MMS22L: variants seen among roughly 807,000 people sequenced by gnomAD.
MMS22L encodes MMS22 like, DNA repair protein, also known as protein MMS22-like.
A neutral mutation model predicts 159.1 loss-of-function variants in MMS22L; 74 were observed. That is an observed-to-expected ratio of 0.47 (90% confidence interval 0.39 to 0.56). The LOEUF (loss-of-function observed/expected upper bound fraction) is 0.56, where lower values mean the gene tolerates loss of function less well. Among genes scored for constraint, MMS22L ranks in the 20% least tolerant of loss-of-function variants. The pLI, the probability that MMS22L is intolerant of heterozygous loss-of-function variation, is 0.00. For missense variants in MMS22L, 1,351 were observed against 1,422.1 expected, an observed-to-expected ratio of 0.95 and a Z score of 0.80; for synonymous variants, 517 against 506.9, an observed-to-expected ratio of 1.02 and a Z score of -0.27.
At position 97,174,354 on chromosome 6, in the gene MMS22L, T is replaced by C. The variant is rs558027801; in HGVS notation, c.2680-1132A>G. Among the ~76,000 whole-genome samples the C allele has an allele frequency of 1.4e-4, 21 of 152,022 alleles. 1 individual carries two copies. Among genetic ancestry groups the C allele is most frequent in the Admixed American group, 2.6e-4 (4 of 15,264 alleles). ...TTATAATGAATTCCAATGACCCAAATTGGACCATGAATTGCACCAATACAA... is the reference window on the plus strand; with the variant it reads ...TTATAATGAATTCCAATGACCCAAACTGGACCATGAATTGCACCAATACAA... On this transcript the variant is annotated intron_variant, in intron 18 of 24. Coordinates refer to ENST00000683635, the MANE Select transcript of MMS22L (RefSeq NM_001350599.2).
chr6:97,251,336 A>G (rs1226266777), intron 10 of MMS22L, among the ~76,000 whole-genome samples: 10 of 152,170 alleles, frequency 6.6e-5, no homozygotes, highest in Non-Finnish European at 1.5e-4. Context: ...TGAATATATT[A>G]CCCTCTCACC....
At position 97,178,506 on chromosome 6, in the gene MMS22L, C is replaced by T. The variant is rs1463383431; in HGVS notation, c.2616G>A (p.Lys872=). Residue 872 remains lysine (K), a synonymous_variant, in exon 18 of 25, where the codon AAG becomes AAA. Transcript: ENST00000683635. ...NLSEVKSIFS[K]AQVEYLSISE... Reference sequence around the variant, plus strand: ...AGATGGATAAATATTCAACTTGGGCCTTTGAGAAAATACTCTTTACTTCTG... The same window carrying T: ...AGATGGATAAATATTCAACTTGGGCTTTTGAGAAAATACTCTTTACTTCTG... 1 of 1,590,756 alleles carries T rather than the reference C, an allele frequency of 6.3e-7. No homozygotes were observed. The highest frequency in any genetic ancestry group is 8.6e-7 in the Non-Finnish European group (1 of 1,165,522).
rs60641083 is a variant in MMS22L, at chr6:97,282,558, T to TGGGG, written c.-76-9_-76-6dup. On this transcript the variant is annotated splice_polypyrimidine_tract_variant and splice_region_variant and intron_variant, in intron 1 of 24. Transcript: ENST00000683635. ...AGAGAAGGTGTGAAGAGATTCCTGT[T>TGGGG]GGGGGGGGGGGGGTGGGGCCGAGAG... 1 of 50,328 alleles carries TGGGG rather than the reference T, an allele frequency of 2.0e-5. No individual in the cohort carries two copies. The highest frequency in any genetic ancestry group is 4.3e-5 in the Non-Finnish European group (1 of 23,068). The allele number at this position is 50,328 out of a possible 1,614,324, so 3.1% of individuals were successfully genotyped here. A position where few individuals can be genotyped will look rare whatever the true frequency, so the allele number is the denominator to read the frequency against.
At chr6:97,221,864 A>G (rs1809692971) in intron 14 of MMS22L, among the ~76,000 whole-genome samples, 1 of 152,088 alleles carries the variant, frequency 6.6e-6, no homozygotes, top group South Asian at 2.1e-4. Flanking sequence ...AAACTACAGA[A>G]ATAACTCATT....
At chr6:97,209,702 A>T (rs1808166348) in intron 14 of MMS22L, among the ~76,000 whole-genome samples, 1 of 152,006 alleles carries the variant, frequency 6.6e-6, no homozygotes, top group South Asian at 2.1e-4. Flanking sequence ...CAGCTATCTC[A>T]GTATTTTTTG....
Position 97,282,506 on chromosome 6 carries a change from G to C in MMS22L, c.-29C>G, listed in dbSNP as rs375806838. The C allele has an allele frequency of 8.6e-5, 128 of 1,491,162 alleles. No homozygotes were observed. The highest frequency in any genetic ancestry group is 1.2e-4 in the Non-Finnish European group (127 of 1,102,466). The allele number at this position is 1,491,162 out of a possible 1,614,324, so 92.4% of individuals were successfully genotyped here. ...TTACTTCATGTTCTGAAACACTTGG[G>C]GTTCGTCGTATCATTAAGGGCTCCA... On this transcript the variant is annotated 5_prime_UTR_variant, in exon 2 of 25. Transcript: ENST00000683635.
chr6:97,237,285 A>G (rs1474774158), intron 11 of MMS22L, among the ~76,000 whole-genome samples: 1 of 152,236 alleles, frequency 6.6e-6, no homozygotes, highest in East Asian at 1.9e-4. Context: ...TGTACAGGTA[A>G]AGAAGAACAC....
At chr6:97,251,849 C>T (rs935261399) in intron 10 of MMS22L, among the ~76,000 whole-genome samples, 1 of 151,944 alleles carries the variant, frequency 6.6e-6, no homozygotes, top group Admixed American at 6.6e-5. Flanking sequence ...TTTGAGAGGC[C>T]GAAGCGGGCG....
At chr6:97,249,231 CAGG>C (rs1251108868) in intron 10 of MMS22L, among the ~76,000 whole-genome samples, 2 of 152,180 alleles carry the variant, frequency 1.3e-5, no homozygotes, top group African/African-American at 4.8e-5. Flanking sequence ...ACACTGATGC[CAGG>C]AGAAGAACGT....
Position 97,144,205 on chromosome 6 carries a change from G to C in MMS22L, c.*2601C>G, listed in dbSNP as rs1317343618. 6.6e-6 allele frequency: 1 copy of C among 151,062 alleles called. No individual in the cohort carries two copies. 9.4% of individuals were successfully genotyped at this position (151,062 alleles called of 1,614,324 possible). A position where few individuals can be genotyped will look rare whatever the true frequency, so the allele number is the denominator to read the frequency against. ...AAGCAGATGAAGGGTCGTATCTTAC[G>C]ACTGGGGACAGGAAAGAAGACCATG... is the stretch of plus-strand genomic sequence containing the variant. On this transcript the variant is annotated 3_prime_UTR_variant, in exon 25 of 25. Transcript: ENST00000683635.
In MMS22L at chr6:97,282,415, C is replaced by T; in HGVS notation, c.63G>A (p.Thr21=). Residue 21 remains threonine, a synonymous_variant, in exon 2 of 25, where the codon ACG becomes ACA. Transcript: ENST00000683635. The stretch of plus-strand genomic sequence containing the variant: ...AAAAGTAAGGAGGTTTGCACCATTC[C>T]GTCCCCAGCTCCAGCTCTAAGCTGT... ...LTDSLELELG[T]EWCKPPYFSC... is the part of the protein sequence containing the mutation. 6.2e-7 allele frequency: 1 copy of T among 1,614,056 alleles called. No homozygotes were observed. The highest frequency in any genetic ancestry group is 8.5e-7 in the Non-Finnish European group (1 of 1,180,004).
intron 18 of MMS22L, among the ~76,000 whole-genome samples, chr6:97,175,976 T>C (rs923228764): frequency 6.6e-6 from 1 of 152,214 alleles, no homozygotes; most frequent in Non-Finnish European, 1.5e-5. Flanking sequence ...GTGCTTTTCA[T>C]TTAGGCAACC....
In MMS22L at chr6:97,181,914, G is replaced by A. The variant is rs902903686; in HGVS notation, c.2374C>T (p.Leu792=). 5 of 1,612,224 alleles carry A rather than the reference G, an allele frequency of 3.1e-6. No homozygotes were observed. Among genetic ancestry groups the A allele is most frequent in the African/African-American group, 1.3e-5 (1 of 74,922 alleles). Residue 792 remains leucine, a synonymous_variant, in exon 16 of 25, where the codon CTA becomes TTA. Coordinates refer to ENST00000683635, the MANE Select transcript of MMS22L (RefSeq NM_001350599.2). ...AATAAAAGCACGTACCTATTTTGTA[G>A]GACATGACTTAAATATCTTGCTACA... ...QVVARYLSHV[L]QNSTLCEALS... is the part of the protein sequence containing the mutation.
chr6:97,185,626 G>A (rs925851461), intron 15 of MMS22L, among the ~76,000 whole-genome samples: 8 of 151,986 alleles, frequency 5.3e-5, no homozygotes, highest in South Asian at 2.1e-4. Context: ...ATCTATCATC[G>A]TAAAGTCCTA....
At chr6:97,173,253 C>T in intron 18 of MMS22L, 31 bp from the exon 19 acceptor site, 3 of 1,597,106 alleles carry the variant, frequency 1.9e-6, no homozygotes, top group Non-Finnish European at 2.6e-6. Flanking sequence ...TATTTAACTT[C>T]CCAAAGTTTA....
At chr6:97,258,906 G>C (rs1427174718) in intron 9 of MMS22L, 2 of 152,100 alleles carry the variant, frequency 1.3e-5, no homozygotes, top group Non-Finnish European at 2.9e-5. Flanking sequence ...AGTTGTTTCT[G>C]TTATATTCCA....
At chr6:97,191,980 A>C (rs1805914575) in intron 14 of MMS22L, among the ~76,000 whole-genome samples, 1 of 152,214 alleles carries the variant, frequency 6.6e-6, no homozygotes, top group Non-Finnish European at 1.5e-5. Flanking sequence ...GACTTTTACA[A>C]AGCCTCAATT....
At chr6:97,257,135 A>AT (rs1006760895) in intron 9 of MMS22L, among the ~76,000 whole-genome samples, 1 of 151,922 alleles carries the variant, frequency 6.6e-6, no homozygotes, top group Admixed American at 6.6e-5. Context: ...TTTTCAAGTC[A>AT]TTTTTTCTTC....
At chr6:97,204,794 CAAA>C (rs58113888) in intron 14 of MMS22L, among the ~76,000 whole-genome samples, 48 of 106,378 alleles carry the variant, frequency 4.5e-4, no homozygotes, top group South Asian at 3.6e-3. Context: ...GACTCAGTGT[CAAA>C]AAAAAAAAAA....
Sources: gnomAD v4.1 joint callset for allele counts (sites outside exome capture counted in the v4.1 genomes callset) on GRCh38, gnomAD v4.1.1 for gene constraint, MANE v1.5 for transcripts, NCBI Gene and HGNC (gene_info 2026-07-23, HGNC 2026-07-21) for gene names.